The following CCSER1 variants were observed in gnomAD, a reference collection of about 807,000 sequenced individuals.
CCSER1 encodes coiled-coil serine rich protein 1, also known as serine-rich coiled-coil domain-containing protein 1.
CCSER1 carries 41 observed loss-of-function variants against 82.0 expected under a neutral mutation model. The observed-to-expected ratio is 0.50, with a 90% CI of 0.39 to 0.65. The LOEUF is 0.65. Among genes scored for constraint, CCSER1 ranks in the 30% least tolerant of loss-of-function variants. The pLI, the probability that CCSER1 is intolerant of heterozygous loss-of-function variation, is 0.00. For synonymous variants in CCSER1, 414 were observed against 383.9 expected (o/e 1.08, Z -0.92); for missense variants, 1,119 against 1,064.2 (o/e 1.05, Z -0.72).
intron 10 of CCSER1, among the ~76,000 whole-genome samples, chr4:91,362,061 C>G (rs117495143): frequency 1.3e-5 from 2 of 151,680 alleles, no homozygotes; most frequent in East Asian, 3.9e-4. Context: ...AGGCCCTGCA[C>G]GGAAGGGACA....
chr4:90,380,658 T>C (rs1019804730), intron 3 of CCSER1, among the ~76,000 whole-genome samples: 3 of 152,200 alleles, frequency 2.0e-5, no homozygotes, highest in African/African-American at 7.2e-5. Context: ...TTCAACTATT[T>C]TCAGGTTTCT....
At chr4:90,357,688 T>C (rs1480786480) in intron 3 of CCSER1, among the ~76,000 whole-genome samples, 1 of 152,000 alleles carries the variant, frequency 6.6e-6, no homozygotes, top group Admixed American at 6.6e-5. Flanking sequence ...AGAGGTCAAG[T>C]AACAAACTTA....
chr4:90,488,076 C>T (rs919662634), intron 5 of CCSER1, among the ~76,000 whole-genome samples: 2 of 152,200 alleles, frequency 1.3e-5, no homozygotes, highest in African/African-American at 4.8e-5. Flanking sequence ...ATTAGACCTT[C>T]AGAGATAGCA....
Position 91,195,313 on chromosome 4 carries a change from A to G in CCSER1, c.2217+109319A>G, listed in dbSNP as rs1046358039. On this transcript the variant is annotated intron_variant, in intron 10 of 10. Transcript: ENST00000509176. ...CTTGTAGTCAACATTAAAATGTTTT[A>G]AAAACATTTGAGAGCTCCTGTTGGT... Among the ~76,000 whole-genome samples the G allele has an allele frequency of 2.0e-5, 3 of 152,336 alleles. No individual in the cohort carries two copies. The South Asian group carries it at 6.2e-4, about 32-fold the overall frequency.
rs116759366 is a variant in CCSER1, at chr4:91,413,085, A to G, written c.2218-185487A>G. On this transcript the variant is annotated intron_variant, in intron 10 of 10. Coordinates refer to ENST00000509176, the MANE Select transcript of CCSER1 (RefSeq NM_001145065.2). ...CTGGAGCTAAAAAATACAATGATAG[A>G]AATTTAAAAAATTAATGGAGAGCTT... is the stretch of plus-strand genomic sequence containing the variant. Among the ~76,000 whole-genome samples the G allele has an allele frequency of 5.1e-3, 784 of 152,266 alleles. 4 individuals are homozygous for G. The highest frequency in any genetic ancestry group is 0.015 in the African/African-American group (644 of 41,556).
chr4:91,366,262 C>T (rs1478032504), intron 10 of CCSER1, among the ~76,000 whole-genome samples: 1 of 152,146 alleles, frequency 6.6e-6, no homozygotes, highest in East Asian at 1.9e-4. Flanking sequence ...TTCAGGTGGT[C>T]CATCCGCCTC....
chr4:91,589,972 T>A (rs1388209606), intron 10 of CCSER1, among the ~76,000 whole-genome samples: 1 of 152,020 alleles, frequency 6.6e-6, no homozygotes, highest in African/African-American at 2.4e-5. Flanking sequence ...GATTTGGTTC[T>A]GCCTAGAGTT....
intron 10 of CCSER1, among the ~76,000 whole-genome samples, chr4:91,227,289 T>G (rs1738271011): frequency 6.7e-6 from 1 of 150,040 alleles, no homozygotes; most frequent in Non-Finnish European, 1.5e-5. Context: ...AATATTTAGT[T>G]AAAAAAAAAG....
chr4:90,525,793 T>A (rs938242646), intron 5 of CCSER1, among the ~76,000 whole-genome samples: 3 of 152,046 alleles, frequency 2.0e-5, no homozygotes, highest in Non-Finnish European at 4.4e-5. Flanking sequence ...CACACTCCAC[T>A]GTTCCCAGAT....
intron 10 of CCSER1, among the ~76,000 whole-genome samples, chr4:91,452,737 TA>T (rs1336750510): frequency 6.6e-6 from 1 of 152,044 alleles, no homozygotes; most frequent in African/African-American, 2.4e-5. Context: ...GTAAAGCTAA[TA>T]AAGACTGGAG....
intron 5 of CCSER1, among the ~76,000 whole-genome samples, chr4:90,585,448 G>A (rs1781895100): frequency 6.6e-6 from 1 of 151,982 alleles, no homozygotes; most frequent in Non-Finnish European, 1.5e-5. Flanking sequence ...GACAATAACA[G>A]GAAAGGCTTT....
chr4:91,181,634 C>CGCAGA (rs1560498760), intron 10 of CCSER1, among the ~76,000 whole-genome samples: 1 of 152,144 alleles, frequency 6.6e-6, no homozygotes, highest in Non-Finnish European at 1.5e-5. Flanking sequence ...GGCCATGGCA[C>CGCAGA]GCAGACTGAG....
chr4:91,289,047 G>A (rs1743549358), intron 10 of CCSER1, among the ~76,000 whole-genome samples: 1 of 152,012 alleles, frequency 6.6e-6, no homozygotes, highest in Non-Finnish European at 1.5e-5. Flanking sequence ...GCAAAGGAGA[G>A]ACCTAAAGCC....
chr4:90,866,592 C>T (rs1375163519), intron 8 of CCSER1, among the ~76,000 whole-genome samples: 2 of 152,076 alleles, frequency 1.3e-5, no homozygotes, highest in Non-Finnish European at 2.9e-5. Flanking sequence ...GAATCCATAA[C>T]ATAAGAAATT....
intron 10 of CCSER1, among the ~76,000 whole-genome samples, chr4:91,503,227 A>G (rs1759306649): frequency 6.6e-6 from 1 of 151,860 alleles, no homozygotes; most frequent in African/African-American, 2.4e-5. Context: ...CTGTGGTCCC[A>G]GCTACTCGGG....
At chr4:90,280,249 C>G (rs1378443527) in intron 1 of CCSER1, among the ~76,000 whole-genome samples, 1 of 151,960 alleles carries the variant, frequency 6.6e-6, no homozygotes, top group Non-Finnish European at 1.5e-5. Context: ...GGTAGACAAA[C>G]TGTAATGATG....
At position 90,999,784 on chromosome 4, in the gene CCSER1, ATTTGTT is replaced by A. The variant is rs558018236; in HGVS notation, c.2172+76352_2172+76357del. Among the ~76,000 whole-genome samples the A allele has an allele frequency of 2.8e-3, 391 of 139,690 alleles. 3 individuals are homozygous for A. The highest frequency in any genetic ancestry group is 2.8e-3 in the Non-Finnish European group (175 of 62,954). The allele number at this position is 139,690 out of a possible 152,430, so 91.6% of individuals were successfully genotyped here. A position where few individuals can be genotyped will look rare whatever the true frequency, so the allele number is the denominator to read the frequency against. ...CTTTCATTGCAATTGTTTTTTTCTT[ATTTGTT>A]TTTGTTTTTGTTTTGTTTTGTTTTG... On this transcript the variant is annotated intron_variant, in intron 9 of 10. Transcript: ENST00000509176.
At chr4:91,443,439 T>G (rs1017782934) in intron 10 of CCSER1, among the ~76,000 whole-genome samples, 8 of 138,392 alleles carry the variant, frequency 5.8e-5, no homozygotes, top group African/African-American at 1.9e-4. Flanking sequence ...CTCACTCATA[T>G]GTGGGAATTG....
intron 8 of CCSER1, among the ~76,000 whole-genome samples, chr4:90,881,563 G>A (rs1302848943): frequency 1.3e-5 from 2 of 152,084 alleles, no homozygotes; most frequent in African/African-American, 4.8e-5. Context: ...TCTGAGCTCA[G>A]GAGTTTGAGA....
Sources: gnomAD v4.1 joint callset for allele counts (sites outside exome capture counted in the v4.1 genomes callset) on GRCh38, gnomAD v4.1.1 for gene constraint, MANE v1.5 for transcripts, NCBI Gene and HGNC (gene_info 2026-07-23, HGNC 2026-07-21) for gene names.